Variants in GALNT13 observed in about 807,000 individuals in gnomAD.
GALNT13 encodes the protein UDP-GalNAc:polypeptide N-acetylgalactosaminyltransferase 13.
GALNT13 carries 28 observed loss-of-function variants against 64.2 expected under a neutral mutation model. The ratio of observed to expected loss-of-function variants is 0.44; its 90% CI spans 0.32 to 0.60. GALNT13 has a LOEUF of 0.60. GALNT13 is among the 20% of genes least tolerant of loss of function. GALNT13 has a pLI of 0.05. For missense variants in GALNT13, 577 were observed against 669.8 expected (o/e 0.86, Z 1.53); for synonymous variants, 214 against 224.6 (o/e 0.95, Z 0.42).
intron 4 of GALNT13, among the ~76,000 whole-genome samples, chr2:154,179,576 G>A (rs913984425): frequency 4.6e-5 from 7 of 152,152 alleles, no homozygotes; most frequent in Non-Finnish European, 1.0e-4. Context: ...CCTGATTTTT[G>A]CAGGGTTGTA....
intron 11 of GALNT13, among the ~76,000 whole-genome samples, chr2:154,419,874 A>T (rs946410859): frequency 3.3e-5 from 5 of 152,160 alleles, no homozygotes; most frequent in Non-Finnish European, 4.4e-5. Flanking sequence ...TGCAAATAGT[A>T]GGACAAAATA....
At chr2:153,480,069 C>A in the GALNT13 span, among the ~76,000 whole-genome samples, 1 of 152,084 alleles carries the variant, frequency 6.6e-6, no homozygotes, top group African/African-American at 2.4e-5. Context: ...ATAATGGGTA[C>A]GCTAATTACT....
the GALNT13 span, among the ~76,000 whole-genome samples, chr2:153,620,555 G>A: frequency 1.1e-4 from 17 of 151,756 alleles, no homozygotes; most frequent in Admixed American, 2.0e-4. Flanking sequence ...ATAAGACTCC[G>A]AGGCATTCTT....
the GALNT13 span, among the ~76,000 whole-genome samples, chr2:153,121,101 G>A: frequency 6.6e-6 from 1 of 152,072 alleles, no homozygotes; most frequent in Non-Finnish European, 1.5e-5. Flanking sequence ...AAACATGATG[G>A]CATTCTTGGA....
In GALNT13 at chr2:154,275,380, T is replaced by A. The variant is rs1691585335; in HGVS notation, c.975+16242T>A. Among the ~76,000 whole-genome samples the A allele has an allele frequency of 2.0e-5, 3 of 152,186 alleles. No individual in the cohort carries two copies. In the South Asian group the frequency reaches 6.2e-4, roughly 31 times the overall value. Reference sequence around the variant, plus strand: ...AGTTGAGCCTAGGGCCTCCCTTGCTTGTGTGCAGCCTTGAGACTTGGTGCT... The same window carrying A: ...AGTTGAGCCTAGGGCCTCCCTTGCTAGTGTGCAGCCTTGAGACTTGGTGCT... On this transcript the variant is annotated intron_variant, in intron 8 of 12. Transcript: ENST00000392825.
chr2:153,255,884 C>A, the GALNT13 span, among the ~76,000 whole-genome samples: 1 of 152,204 alleles, frequency 6.6e-6, no homozygotes, highest in Non-Finnish European at 1.5e-5. Context: ...ACCTTTCTCT[C>A]TGGCTGTCCT....
At chr2:153,304,484 A>T in the GALNT13 span, among the ~76,000 whole-genome samples, 3 of 152,292 alleles carry the variant, frequency 2.0e-5, 1 homozygote, top group South Asian at 6.2e-4. Context: ...ATTGATGCTT[A>T]AACTGAGACC....
At chr2:154,087,067 A>G (rs772384875) in intron 3 of GALNT13, among the ~76,000 whole-genome samples, 4 of 152,092 alleles carry the variant, frequency 2.6e-5, no homozygotes, top group Non-Finnish European at 4.4e-5. Flanking sequence ...GGAGGTGTGA[A>G]TTGTTCATAT....
At chr2:153,852,532 T>C in the GALNT13 span, among the ~76,000 whole-genome samples, 1 of 152,192 alleles carries the variant, frequency 6.6e-6, no homozygotes, top group Non-Finnish European at 1.5e-5. Flanking sequence ...TAGAACTAAA[T>C]GAGAAATAGA....
At chr2:154,152,559 C>G (rs1387279595) in intron 4 of GALNT13, among the ~76,000 whole-genome samples, 1 of 152,138 alleles carries the variant, frequency 6.6e-6, no homozygotes, top group South Asian at 2.1e-4. Context: ...CCGTCACTTT[C>G]AGGTACACCA....
chr2:153,180,475 C>A, the GALNT13 span, among the ~76,000 whole-genome samples: 2 of 151,806 alleles, frequency 1.3e-5, no homozygotes, highest in African/African-American at 4.8e-5. Context: ...AGGATAGTGC[C>A]CTGCAGTTTT....
the GALNT13 span, among the ~76,000 whole-genome samples, chr2:153,740,708 A>C: frequency 6.6e-6 from 1 of 152,138 alleles, no homozygotes; most frequent in African/African-American, 2.4e-5. Context: ...TTTAAAAGGC[A>C]ATTAACTTCA....
chr2:154,403,597 C>A (rs895463011), intron 10 of GALNT13, among the ~76,000 whole-genome samples: 1 of 152,214 alleles, frequency 6.6e-6, no homozygotes, highest in East Asian at 1.9e-4. Context: ...TCTCTCAGGT[C>A]ACCCTGGACA....
the GALNT13 span, among the ~76,000 whole-genome samples, chr2:153,444,670 C>T: frequency 6.6e-6 from 1 of 152,144 alleles, no homozygotes; most frequent in African/African-American, 2.4e-5. Flanking sequence ...CCCTTTTTGG[C>T]ATATCATATA....
chr2:154,031,339 G>T (rs1477082465), intron 3 of GALNT13, among the ~76,000 whole-genome samples: 4 of 151,414 alleles, frequency 2.6e-5, no homozygotes, highest in African/African-American at 9.7e-5. Flanking sequence ...AGAAGAAGAG[G>T]AAAAAAATAA....
chr2:153,522,711 T>A, the GALNT13 span, among the ~76,000 whole-genome samples: 5 of 152,210 alleles, frequency 3.3e-5, no homozygotes, highest in Non-Finnish European at 5.9e-5. Context: ...ATTGGATGTT[T>A]TCTTATTTTT....
At chr2:154,327,245 A>G (rs1285972182) in intron 9 of GALNT13, among the ~76,000 whole-genome samples, 1 of 151,886 alleles carries the variant, frequency 6.6e-6, no homozygotes, top group Non-Finnish European at 1.5e-5. Flanking sequence ...TTTGCCTTCC[A>G]CCATGGTTGA....
the GALNT13 span, among the ~76,000 whole-genome samples, chr2:153,475,769 C>G: frequency 6.6e-6 from 1 of 152,128 alleles, no homozygotes; most frequent in Non-Finnish European, 1.5e-5. Context: ...CACAGGTGAG[C>G]TAATAAATCT....
At chr2:154,346,871 A>G (rs1696096881) in intron 9 of GALNT13, among the ~76,000 whole-genome samples, 1 of 152,124 alleles carries the variant, frequency 6.6e-6, no homozygotes. Context: ...TGCAAATTAC[A>G]TCTTCTAGAA....
Sources: allele counts gnomAD v4.1 joint callset (sites outside exome capture counted in the v4.1 genomes callset), GRCh38; gene constraint gnomAD v4.1.1; transcripts MANE v1.5; gene names NCBI Gene and HGNC (gene_info 2026-07-23, HGNC 2026-07-21).